The following MYOM1 variants were observed in gnomAD, a reference collection of about 807,000 sequenced individuals.
MYOM1 encodes the protein myomesin 1.
Under a neutral mutation model 205.3 loss-of-function variants are expected in MYOM1, and 164 were observed. The observed-to-expected ratio is 0.80, with a 90% CI of 0.70 to 0.91. The LOEUF (loss-of-function observed/expected upper bound fraction) is 0.91. MYOM1 is among the 40% of genes least tolerant of loss of function. MYOM1 has a pLI of 0.00. For synonymous variants in MYOM1, 772 were observed against 789.4 expected, an observed-to-expected ratio of 0.98 and a Z score of 0.37; for missense variants, 2,011 against 2,127.3, an observed-to-expected ratio of 0.95 and a Z score of 1.08.
At chr18:3,159,054 G>C (rs2080343066) in intron 10 of MYOM1, among the ~76,000 whole-genome samples, 1 of 151,916 alleles carries the variant, frequency 6.6e-6, no homozygotes, top group Non-Finnish European at 1.5e-5. Flanking sequence ...GCATGAGAGA[G>C]AGCAAGAGAA....
chr18:3,217,347 GA>G, intron 1 of MYOM1, among the ~76,000 whole-genome samples: 1 of 152,336 alleles, frequency 6.6e-6, no homozygotes, highest in Admixed American at 6.5e-5. Context: ...ATTAGGATGT[GA>G]AAGAAAGAGA....
At chr18:3,108,095 T>C (rs978115392) in intron 22 of MYOM1, among the ~76,000 whole-genome samples, 2 of 152,166 alleles carry the variant, frequency 1.3e-5, no homozygotes, top group Non-Finnish European at 2.9e-5. Context: ...ATTGTAGGCA[T>C]CTTGGTCTTC....
intron 2 of MYOM1, among the ~76,000 whole-genome samples, chr18:3,207,849 C>T (rs2081143512): frequency 6.6e-6 from 1 of 152,208 alleles, no homozygotes; most frequent in African/African-American, 2.4e-5. Context: ...GCATGATTCA[C>T]CTGCCTAGGG....
chr18:3,155,091 G>A lies in MYOM1; in HGVS notation c.1502-3C>T, dbSNP rs1173337647. ...TCCTTCAATCTCTGCATCAGCATCT[G>A]TGGAGACAGAGAAGGATCCCATTAA... is the stretch of plus-strand genomic sequence containing the variant. On this transcript the variant is annotated splice_polypyrimidine_tract_variant and splice_region_variant and intron_variant, in intron 10 of 37. Transcript: ENST00000356443. 1 of 1,609,060 alleles carries A rather than the reference G, an allele frequency of 6.2e-7. No homozygotes were observed. The highest frequency in any genetic ancestry group is 2.2e-5 in the East Asian group (1 of 44,780).
At chr18:3,184,260 A>C (rs781505505) in intron 5 of MYOM1, among the ~76,000 whole-genome samples, 8 of 152,196 alleles carry the variant, frequency 5.3e-5, no homozygotes, top group Non-Finnish European at 1.2e-4. Flanking sequence ...CCTATCCAGA[A>C]GTCAACTCCC....
upstream of MYOM1, among the ~76,000 whole-genome samples, chr18:3,222,293 CTAGT>C (rs1456367749): frequency 2.6e-5 from 4 of 152,130 alleles, no homozygotes; most frequent in Admixed American, 2.6e-4. Context: ...TATTATGTAG[CTAGT>C]TGTAATTCAG....
intron 3 of MYOM1, among the ~76,000 whole-genome samples, chr18:3,191,920 T>A (rs564643395): frequency 2.0e-5 from 3 of 152,048 alleles, no homozygotes; most frequent in Admixed American, 2.0e-4. Flanking sequence ...ATGGTCTCAA[T>A]CTCCTGACAT....
chr18:3,171,486 G>A (rs564204294), intron 8 of MYOM1, among the ~76,000 whole-genome samples: 5 of 152,232 alleles, frequency 3.3e-5, no homozygotes, highest in Admixed American at 1.3e-4. Context: ...CACTGTCTGC[G>A]ATAACTTTGG....
intron 26 of MYOM1, 44 bp from the exon 27 acceptor site, chr18:3,090,846 T>G: frequency 6.2e-7 from 1 of 1,609,610 alleles, no homozygotes. Context: ...CTGAGGCATA[T>G]ATTTTACTTG....
chr18:3,130,292 C>T (rs28547149), intron 17 of MYOM1, among the ~76,000 whole-genome samples: 53,623 of 151,730 alleles, frequency 0.35, 9,599 homozygotes, highest in East Asian at 0.58. Context: ...ATCCACCCGC[C>T]TTAGCCTCCC....
chr18:3,131,422 C>G lies in MYOM1; in HGVS notation c.2459G>C (p.Ser820Thr). ...RVRAVNAAGLSEYSQDSEAIE... is the reference protein window; with the variant it reads ...RVRAVNAAGLTEYSQDSEAIE... Reference sequence around the variant, plus strand: ...AGCTTCTGAATCCTGGGAATATTCACTAAGTCCAGCTGCATTGACTGCTCT... The same window carrying G: ...AGCTTCTGAATCCTGGGAATATTCAGTAAGTCCAGCTGCATTGACTGCTCT... Residue 820 changes from serine to threonine, a missense_variant, in exon 17 of 38, where the codon AGT (serine) becomes ACT (threonine). Ser to Thr is a moderately conservative substitution (Grantham distance 58). Coordinates refer to ENST00000356443, the MANE Select transcript of MYOM1 (RefSeq NM_003803.4). The G allele has an allele frequency of 6.2e-7, 1 of 1,613,878 alleles. No homozygotes were observed.
At chr18:3,223,943 G>A (rs1380004813), upstream of MYOM1, among the ~76,000 whole-genome samples, 2 of 152,098 alleles carry the variant, frequency 1.3e-5, no homozygotes, top group African/African-American at 4.8e-5. Context: ...TGGAGAGTGG[G>A]GCCTAGGACT....
chr18:3,244,590 C>T, the MYOM1 span, among the ~76,000 whole-genome samples: 2 of 151,864 alleles, frequency 1.3e-5, no homozygotes, highest in African/African-American at 2.4e-5. Flanking sequence ...TCTGTCTCTA[C>T]TAAAAGTACA....
chr18:3,111,871 A>G (rs182541330), intron 22 of MYOM1, among the ~76,000 whole-genome samples: 1 of 152,328 alleles, frequency 6.6e-6, no homozygotes, highest in East Asian at 1.9e-4. Context: ...TTTAAACATA[A>G]TAGCTACAAT....
chr18:3,129,147 CATGG>C, intron 18 of MYOM1, 81 bp downstream of exon 18: 4 of 1,457,972 alleles, frequency 2.7e-6, no homozygotes, highest in Non-Finnish European at 3.7e-6. Context: ...TGAAAGCAAA[CATGG>C]ATGAAGGATG....
rs191730854 is a variant in MYOM1 at position 3,125,803 on chromosome 18, T to A, written c.2991+898A>T. ...TCAGCTAAGGCAACAGTGAGACTGTTCTGGTTCTCTTATGTGACCTGAGCA... is the reference window on the plus strand; with the variant it reads ...TCAGCTAAGGCAACAGTGAGACTGTACTGGTTCTCTTATGTGACCTGAGCA... On this transcript the variant is annotated intron_variant, in intron 19 of 37. Transcript: ENST00000356443. 1.6e-4 allele frequency among the ~76,000 whole-genome samples: 24 copies of A among 152,270 alleles called. No individual in the cohort carries two copies. In the East Asian group the frequency reaches 3.5e-3, roughly 22 times the overall value.
chr18:3,127,317 T>A (rs1489343015), intron 18 of MYOM1, among the ~76,000 whole-genome samples: 2 of 117,168 alleles, frequency 1.7e-5, no homozygotes, highest in African/African-American at 6.5e-5. Context: ...TTTTTTTTTT[T>A]TTTTTTTTGA....
At chr18:3,184,439 C>G (rs2080781689) in intron 5 of MYOM1, among the ~76,000 whole-genome samples, 1 of 152,194 alleles carries the variant, frequency 6.6e-6, no homozygotes, top group Non-Finnish European at 1.5e-5. Context: ...CTGACCCTGA[C>G]CCTGTTTACT....
chr18:3,229,158 C>A, the MYOM1 span, among the ~76,000 whole-genome samples: 6 of 152,194 alleles, frequency 3.9e-5, no homozygotes, highest in Admixed American at 1.3e-4. Context: ...TTTTGAGAGG[C>A]CTTTTTTAGC....
Sources: allele counts gnomAD v4.1 joint callset (sites outside exome capture counted in the v4.1 genomes callset), GRCh38; gene constraint gnomAD v4.1.1; transcripts MANE v1.5; gene names NCBI Gene and HGNC (gene_info 2026-07-23, HGNC 2026-07-21).